Variants in ZFPM2 observed in about 807,000 individuals in gnomAD.
The protein encoded by ZFPM2 is zinc finger protein, FOG family member 2, also known as zinc finger protein ZFPM2.
Under a neutral mutation model 98.6 loss-of-function variants are expected in ZFPM2, and 20 were observed. The ratio of observed to expected loss-of-function variants is 0.20; its 90% CI spans 0.14 to 0.29. The LOEUF (loss-of-function observed/expected upper bound fraction) is 0.29, where lower values mean the gene tolerates loss of function less well. Among genes scored for constraint, ZFPM2 ranks in the 10% least tolerant of loss-of-function variants. The pLI, the probability that ZFPM2 is intolerant of heterozygous loss-of-function variation, is 1.00. For synonymous variants in ZFPM2, 518 were observed against 502.7 expected (o/e 1.03, Z -0.41); for missense variants, 1,310 against 1,388.6 (o/e 0.94, Z 0.90).
intron 1 of ZFPM2, among the ~76,000 whole-genome samples, chr8:105,341,427 ATACT>A (rs1164766679): frequency 4.0e-5 from 6 of 151,830 alleles, no homozygotes; most frequent in African/African-American, 7.2e-5. Context: ...TAACAATGTA[ATACT>A]TTATTATAAT....
intron 1 of ZFPM2, among the ~76,000 whole-genome samples, chr8:105,326,607 T>C (rs1812119168): frequency 6.6e-6 from 1 of 151,734 alleles, no homozygotes. Flanking sequence ...TTTAATATTC[T>C]GGTAGTATTC....
chr8:105,498,254 A>G (rs866586657), intron 3 of ZFPM2, among the ~76,000 whole-genome samples: 2 of 152,234 alleles, frequency 1.3e-5, no homozygotes, highest in Middle Eastern at 6.8e-3. Flanking sequence ...TTCTTTATCT[A>G]CTCACATATT....
intron 3 of ZFPM2, among the ~76,000 whole-genome samples, chr8:105,482,320 T>C (rs1813136332): frequency 6.6e-6 from 1 of 152,160 alleles, no homozygotes; most frequent in African/African-American, 2.4e-5. Context: ...ACTTTCTCTA[T>C]TCCTTTTCCT....
chr8:105,487,045 T>C (rs80232358), intron 3 of ZFPM2, among the ~76,000 whole-genome samples: 2,124 of 152,302 alleles, frequency 0.014, 45 homozygotes, highest in African/African-American at 0.049. Flanking sequence ...CTCTTGGTTT[T>C]TGGTGCTTTC....
chr8:105,397,908 A>T (rs1274857707), intron 1 of ZFPM2, among the ~76,000 whole-genome samples: 1 of 152,136 alleles, frequency 6.6e-6, no homozygotes. Flanking sequence ...AAGTGTAGTG[A>T]CTACTTAAAG....
At chr8:105,746,340 G>T (rs1185781076) in intron 5 of ZFPM2, among the ~76,000 whole-genome samples, 3 of 151,916 alleles carry the variant, frequency 2.0e-5, no homozygotes, top group Admixed American at 6.6e-5. Context: ...TTATGTAAGG[G>T]ATATTTGAAT....
chr8:105,686,806 C>T (rs534923887), intron 5 of ZFPM2, among the ~76,000 whole-genome samples: 1 of 152,260 alleles, frequency 6.6e-6, no homozygotes, highest in African/African-American at 2.4e-5. Flanking sequence ...AGTGTTTCTA[C>T]AGAAAATTCA....
At position 105,804,053 on chromosome 8, in the gene ZFPM2, T is replaced by C. The variant is rs6469016; in HGVS notation, c.*515T>C. ...TTTCAATTCTTGGATAATCAGGCTC[T>C]GTTTGCACTTTATATTTTAGCAGAT... On this transcript the variant is annotated 3_prime_UTR_variant, in exon 8 of 8. Coordinates refer to ENST00000407775, the MANE Select transcript of ZFPM2 (RefSeq NM_012082.4). The C allele has an allele frequency of 0.11, 17,191 of 154,756 alleles. 2,399 individuals are homozygous for C. The highest frequency in any genetic ancestry group is 0.33 in the African/African-American group (13,744 of 41,480). The allele number at this position is 154,756 out of a possible 1,614,324, so 9.6% of individuals were successfully genotyped here.
chr8:105,598,845 A>AG, intron 4 of ZFPM2, among the ~76,000 whole-genome samples: 1 of 152,050 alleles, frequency 6.6e-6, no homozygotes, highest in Non-Finnish European at 1.5e-5. Context: ...TACAAAAAAA[A>AG]CTTTCCCCAA....
intron 3 of ZFPM2, among the ~76,000 whole-genome samples, chr8:105,472,729 C>T (rs1256014995): frequency 5.9e-5 from 9 of 151,364 alleles, no homozygotes; most frequent in Admixed American, 6.6e-5. Flanking sequence ...AGGATGGTCT[C>T]GATCTCCTGA....
chr8:105,779,645 G>A (rs1163383219), intron 5 of ZFPM2, among the ~76,000 whole-genome samples: 1 of 152,158 alleles, frequency 6.6e-6, no homozygotes, highest in Non-Finnish European at 1.5e-5. Context: ...AATACTGTTA[G>A]GTTACTGAAT....
At chr8:105,604,769 T>G (rs1816164096) in intron 4 of ZFPM2, among the ~76,000 whole-genome samples, 1 of 152,090 alleles carries the variant, frequency 6.6e-6, no homozygotes, top group Non-Finnish European at 1.5e-5. Flanking sequence ...CTGGACGAAC[T>G]TAAACAGATC....
At chr8:105,320,971 A>G (rs529862555) in intron 1 of ZFPM2, among the ~76,000 whole-genome samples, 35 of 152,342 alleles carry the variant, frequency 2.3e-4, no homozygotes, top group Admixed American at 2.1e-3. Flanking sequence ...TGTATTATTT[A>G]TATGCATGTA....
intron 5 of ZFPM2, among the ~76,000 whole-genome samples, chr8:105,707,331 T>A (rs1563530182): frequency 6.6e-6 from 1 of 152,028 alleles, no homozygotes; most frequent in Non-Finnish European, 1.5e-5. Context: ...AGGCTCTATG[T>A]AAAGGTGACC....
chr8:105,550,472 A>G (rs1814825175), intron 3 of ZFPM2, among the ~76,000 whole-genome samples: 1 of 152,184 alleles, frequency 6.6e-6, no homozygotes, highest in Admixed American at 6.5e-5. Flanking sequence ...CAGTCATTTT[A>G]GCTTTGAGCC....
intron 5 of ZFPM2, among the ~76,000 whole-genome samples, chr8:105,768,656 T>C (rs1412849538): frequency 6.6e-6 from 1 of 152,008 alleles, no homozygotes; most frequent in Non-Finnish European, 1.5e-5. Flanking sequence ...TCACACAATT[T>C]AGAATCTCTA....
intron 4 of ZFPM2, among the ~76,000 whole-genome samples, chr8:105,573,443 G>T (rs1474900561): frequency 6.6e-6 from 1 of 152,140 alleles, no homozygotes; most frequent in African/African-American, 2.4e-5. Context: ...AATACCAAGA[G>T]CCATGGGAGC....
At chr8:105,596,374 CAAAG>C (rs777619272) in intron 4 of ZFPM2, among the ~76,000 whole-genome samples, 3 of 151,906 alleles carry the variant, frequency 2.0e-5, no homozygotes, top group African/African-American at 4.8e-5. Context: ...AAGAAGGAAA[CAAAG>C]AAAGAGAGGA....
In ZFPM2 at chr8:105,707,254, A is replaced by AC. The variant is rs1410479585; in HGVS notation, c.532+72897_532+72898insC. ...AAGACTTTGTCTCAAAAAAAAAAAA[A>AC]AGAAAAAGAAAAAAAAAGCATCATT... is the stretch of plus-strand genomic sequence containing the variant. On this transcript the variant is annotated intron_variant, in intron 5 of 7. Transcript: ENST00000407775. Among the ~76,000 whole-genome samples, 822 of 147,324 alleles carry AC rather than the reference A, an allele frequency of 5.6e-3. 11 individuals carry two copies. Among genetic ancestry groups the AC allele is most frequent in the African/African-American group, 0.018 (729 of 40,932 alleles).
Sources: gnomAD v4.1 joint callset for allele counts (sites outside exome capture counted in the v4.1 genomes callset) on GRCh38, gnomAD v4.1.1 for gene constraint, MANE v1.5 for transcripts, NCBI Gene and HGNC (gene_info 2026-07-23, HGNC 2026-07-21) for gene names.